The following LRCH3 variants were observed in gnomAD, a reference collection of about 807,000 sequenced individuals.
LRCH3 encodes the protein leucine rich repeats and calponin homology domain containing 3, also known as DISP complex protein LRCH3.
Under a neutral mutation model 104.5 loss-of-function variants are expected in LRCH3, and 68 were observed. The ratio of observed to expected loss-of-function variants is 0.65; its 90% confidence interval spans 0.54 to 0.80. LRCH3 has a LOEUF of 0.80. Ranked by LOEUF, LRCH3 falls within the 30% of genes least tolerant of loss-of-function variation. The pLI, the probability that LRCH3 is intolerant of heterozygous loss-of-function variation, is 0.00. For synonymous variants in LRCH3, 344 were observed against 361.3 expected (o/e 0.95, Z 0.54); for missense variants, 951 against 953.9 (o/e 1.00, Z 0.04).
chr3:197,819,485 G>A (rs1734241367), intron 3 of LRCH3, among the ~76,000 whole-genome samples: 1 of 151,946 alleles, frequency 6.6e-6, no homozygotes, highest in Admixed American at 6.6e-5. Context: ...GGAGGCTGAG[G>A]CAGGTGGATC....
At chr3:197,820,172 G>A (rs1027155166) in intron 3 of LRCH3, among the ~76,000 whole-genome samples, 153 bp from the exon 4 acceptor site, 4 of 152,062 alleles carry the variant, frequency 2.6e-5, no homozygotes, top group African/African-American at 7.2e-5. Context: ...ATTAATCTTC[G>A]AACCTGTAGG....
intron 1 of LRCH3, among the ~76,000 whole-genome samples, chr3:197,798,569 T>A (rs1731531343): frequency 2.0e-5 from 3 of 152,182 alleles, no homozygotes; most frequent in African/African-American, 4.8e-5. Context: ...GAATTAAAAT[T>A]TTCAAGAAAT....
chr3:197,839,816 GA>G (rs1226520007), intron 10 of LRCH3, among the ~76,000 whole-genome samples: 5 of 149,592 alleles, frequency 3.3e-5, no homozygotes, highest in Admixed American at 3.3e-4. Flanking sequence ...TCTACAAAAA[GA>G]AAAAAAAATA....
In LRCH3 at chr3:197,829,579, A is replaced by G; in HGVS notation, c.793A>G (p.Lys265Glu). 1 of 1,609,862 alleles carries G rather than the reference A, an allele frequency of 6.2e-7. No individual in the cohort carries two copies. Among genetic ancestry groups the G allele is most frequent in the Non-Finnish European group, 8.5e-7 (1 of 1,178,650 alleles). Residue 265 changes from lysine to glutamate, a missense_variant, in exon 6 of 21, where the codon AAA (lysine) becomes GAA (glutamate). Coordinates refer to ENST00000425562, the MANE Select transcript of LRCH3 (RefSeq NM_001365715.1). ...CTTTATTTAGATATGTATAAAAGGCAAAGTCCACATATTTAAATACCTGAA... is the reference window on the plus strand; with the variant it reads ...CTTTATTTAGATATGTATAAAAGGCGAAGTCCACATATTTAAATACCTGAA... Reference protein sequence around the residue: ...SPPAQICIKGKVHIFKYLNIQ... With the variant: ...SPPAQICIKGEVHIFKYLNIQ...
At chr3:197,867,820 A>C (rs1307923418) in intron 17 of LRCH3, among the ~76,000 whole-genome samples, 1 of 152,056 alleles carries the variant, frequency 6.6e-6, no homozygotes, top group Non-Finnish European at 1.5e-5. Flanking sequence ...GCACCACCGC[A>C]CTCCAGCCTG....
chr3:197,838,396 T>C (rs1250273626), intron 9 of LRCH3, among the ~76,000 whole-genome samples: 1 of 152,236 alleles, frequency 6.6e-6, no homozygotes, highest in African/African-American at 2.4e-5. Context: ...TTGAAGTAAC[T>C]CACCAAAAGT....
intron 19 of LRCH3, 123 bp downstream of exon 19, chr3:197,871,585 C>T: frequency 7.7e-7 from 1 of 1,296,936 alleles, no homozygotes; most frequent in African/African-American, 1.5e-5. Context: ...CCAGTCTCTA[C>T]CTTCCTGGTC....
rs61278801 is a variant in LRCH3, at chr3:197,854,771, A to C, written c.1644+326A>C. Among the ~76,000 whole-genome samples, 316 of 152,262 alleles carry C rather than the reference A, an allele frequency of 2.1e-3. No individual in the cohort carries two copies. The highest frequency in any genetic ancestry group is 4.6e-3 in the African/African-American group (191 of 41,552). On this transcript the variant is annotated intron_variant, in intron 14 of 20. Coordinates refer to ENST00000425562, the MANE Select transcript of LRCH3 (RefSeq NM_001365715.1). This position sits in a 1 kb window ranked among gnomAD's most constrained non-coding sequence, Gnocchi z 4.5. ...GGAGCACTTACTTTATTAATCATTAATTTGGCTCATGGGTCACCTATATGT... is the reference window on the plus strand; with the variant it reads ...GGAGCACTTACTTTATTAATCATTACTTTGGCTCATGGGTCACCTATATGT...
chr3:197,876,446 A>G (rs1440922095), intron 20 of LRCH3: 1 of 152,202 alleles, frequency 6.6e-6, no homozygotes, highest in Non-Finnish European at 1.5e-5. Flanking sequence ...TAATATTACA[A>G]ATAGTTAAAT....
chr3:197,809,316 T>C (rs1387306784), intron 1 of LRCH3, among the ~76,000 whole-genome samples: 1 of 151,986 alleles, frequency 6.6e-6, no homozygotes. Context: ...AAAAGGACTT[T>C]TTTTCTCTGT....
At chr3:197,829,170 A>G (rs1735604227) in intron 5 of LRCH3, among the ~76,000 whole-genome samples, 1 of 152,256 alleles carries the variant, frequency 6.6e-6, no homozygotes, top group Non-Finnish European at 1.5e-5. Flanking sequence ...CTCTCAAAGC[A>G]GAATCAAAAA....
intron 10 of LRCH3, among the ~76,000 whole-genome samples, chr3:197,846,155 C>T (rs1300006436): frequency 6.6e-6 from 1 of 152,090 alleles, no homozygotes; most frequent in Non-Finnish European, 1.5e-5. Context: ...GTAATCCCAG[C>T]ACTCGGAGGC....
chr3:197,872,240 C>G (rs9836337), intron 19 of LRCH3, among the ~76,000 whole-genome samples: 4,735 of 151,684 alleles, frequency 0.031, 266 homozygotes, highest in African/African-American at 0.11. Context: ...GCCTATAGTC[C>G]CAGCTACTCA....
intron 2 of LRCH3, 35 bp from the exon 3 acceptor site, chr3:197,817,141 C>A: frequency 6.4e-7 from 1 of 1,570,872 alleles, no homozygotes; most frequent in Non-Finnish European, 8.6e-7. Flanking sequence ...CAGTGGTGGA[C>A]TCTGATTCTT....
intron 20 of LRCH3, chr3:197,882,693 C>G: frequency 1.0e-6 from 1 of 985,138 alleles, no homozygotes; most frequent in Non-Finnish European, 1.2e-6. Flanking sequence ...TAAGATTTGC[C>G]TTTTTCTCTC....
intron 10 of LRCH3, among the ~76,000 whole-genome samples, chr3:197,842,896 C>T (rs1738017506): frequency 6.6e-6 from 1 of 151,888 alleles, no homozygotes; most frequent in Non-Finnish European, 1.5e-5. Context: ...ACCAGCCTGG[C>T]CAACATGGTG....
rs555890830 is a variant in LRCH3 at position 197,810,599 on chromosome 3, A to G, written c.263-4309A>G. Among the ~76,000 whole-genome samples the G allele has an allele frequency of 6.6e-6, 1 of 152,260 alleles. No homozygotes were observed. Among genetic ancestry groups the G allele is most frequent in the East Asian group, 1.9e-4 (1 of 5,192 alleles). Reference sequence around the variant, plus strand: ...ACCTTTTATCTGTTTTATGTATATTATCTCGGGTTTTTAGTTATAAATTAA... The same window carrying G: ...ACCTTTTATCTGTTTTATGTATATTGTCTCGGGTTTTTAGTTATAAATTAA... On this transcript the variant is annotated intron_variant, in intron 1 of 20. Coordinates refer to ENST00000425562, the MANE Select transcript of LRCH3 (RefSeq NM_001365715.1). This position sits in a 1 kb window ranked among gnomAD's most constrained non-coding sequence, Gnocchi z 4.0.
At chr3:197,797,047 G>T (rs1350600589) in intron 1 of LRCH3, among the ~76,000 whole-genome samples, 4 of 151,060 alleles carry the variant, frequency 2.6e-5, no homozygotes, top group East Asian at 1.9e-4. Flanking sequence ...AAAAAAATTT[G>T]CTGGGCATGG....
At chr3:197,798,086 C>T (rs1197306902) in intron 1 of LRCH3, among the ~76,000 whole-genome samples, 2 of 151,848 alleles carry the variant, frequency 1.3e-5, no homozygotes, top group Non-Finnish European at 2.9e-5. Context: ...ACATCGCAAA[C>T]CTCGTCTCTT....
Sources: gnomAD v4.1 joint callset for allele counts (sites outside exome capture counted in the v4.1 genomes callset) on GRCh38, gnomAD v4.1.1 for gene constraint, Gnocchi (gnomAD v3.1) non-coding constraint, MANE v1.5 for transcripts, NCBI Gene and HGNC (gene_info 2026-07-23, HGNC 2026-07-21) for gene names.